The following UNC45A variants were observed in gnomAD, a reference collection of about 807,000 sequenced individuals.
UNC45A encodes the protein unc-45 myosin chaperone A, also known as protein unc-45 homolog A.
A neutral mutation model predicts 103.2 loss-of-function variants in UNC45A; 78 were observed. The ratio of observed to expected loss-of-function variants is 0.76; its 90% CI spans 0.63 to 0.91. UNC45A has a LOEUF of 0.91. Ranked by LOEUF, UNC45A falls within the 40% of genes least tolerant of loss-of-function variation. UNC45A has a pLI of 0.00. For missense variants in UNC45A, 1,193 were observed against 1,224.8 expected, an observed-to-expected ratio of 0.97 and a Z score of 0.39; for synonymous variants, 495 against 504.6, an observed-to-expected ratio of 0.98 and a Z score of 0.25.
At chr15:90,931,793 T>G (rs981666865), upstream of UNC45A, 3 of 1,614,148 alleles carry the variant, frequency 1.9e-6, no homozygotes, top group Admixed American at 1.7e-5. Flanking sequence ...GTGGGGCGCT[T>G]GCTCCACCTG....
intron 5 of UNC45A, among the ~76,000 whole-genome samples, 156 bp downstream of exon 5, chr15:90,939,979 G>A (rs1262117172): frequency 4.6e-5 from 7 of 152,194 alleles, no homozygotes; most frequent in South Asian, 2.1e-4. Context: ...GGGCTTTAGC[G>A]TGAACCAAGG....
At position 90,942,605 on chromosome 15, in the gene UNC45A, G is replaced by A; in HGVS notation, c.856G>A (p.Asp286Asn). The A allele has an allele frequency of 6.2e-7, 1 of 1,614,204 alleles. No individual in the cohort carries two copies. Among genetic ancestry groups the A allele is most frequent in the South Asian group, 1.1e-5 (1 of 91,072 alleles). ...AGGCAAAGAAGGTGCCATCATTGTGGGTGAGTGGAAGCAGGTCTGGGGTCT... is the reference window on the plus strand; with the variant it reads ...AGGCAAAGAAGGTGCCATCATTGTGAGTGAGTGGAAGCAGGTCTGGGGTCT... ...FRGKEGAIIV[D>N]PARELKVLIS... Residue 286 changes from aspartate to asparagine, a missense_variant and splice_region_variant, in exon 7 of 20, where the codon GAT becomes AAT. Coordinates refer to ENST00000418476, the MANE Select transcript of UNC45A (RefSeq NM_018671.5).
intron 9 of UNC45A, among the ~76,000 whole-genome samples, chr15:90,946,281 AAAATT>A (rs2036565605): frequency 6.6e-6 from 1 of 151,852 alleles, no homozygotes; most frequent in Non-Finnish European, 1.5e-5. Context: ...AGAAAGAAAA[AAAATT>A]AAAGGAGCTT....
chr15:90,935,898 C>T, intron 2 of UNC45A, 48 bp from the exon 3 acceptor site: 3 of 1,613,016 alleles, frequency 1.9e-6, no homozygotes, highest in Non-Finnish European at 1.7e-6. Flanking sequence ...GGTTAGTGCC[C>T]CGAGAGGGAG....
Position 90,935,313 on chromosome 15 carries a change from A to G in UNC45A, c.-12A>G, listed in dbSNP as rs756931207. ...GACTGCGCCTGCGCGGGCACGAGACAACCTCTCCGCGATGACTGTGAGTGG... is the reference window on the plus strand; with the variant it reads ...GACTGCGCCTGCGCGGGCACGAGACGACCTCTCCGCGATGACTGTGAGTGG... On this transcript the variant is annotated 5_prime_UTR_variant, in exon 1 of 20. Coordinates refer to ENST00000418476, the MANE Select transcript of UNC45A (RefSeq NM_018671.5). 34 of 1,600,492 alleles carry G rather than the reference A, an allele frequency of 2.1e-5. No individual in the cohort carries two copies. The African/African-American group carries it at 3.2e-4, about 15-fold the overall frequency.
At chr15:90,947,969 C>A in intron 11 of UNC45A, 79 bp downstream of exon 11, 2 of 1,419,818 alleles carry the variant, frequency 1.4e-6, no homozygotes, top group Non-Finnish European at 9.4e-7. Context: ...GGGGTTGGGG[C>A]CTCCTCCGTC....
At chr15:90,949,537 G>A in intron 14 of UNC45A, 94 bp downstream of exon 14, 1 of 1,598,540 alleles carries the variant, frequency 6.3e-7, no homozygotes, top group South Asian at 1.1e-5. Flanking sequence ...AGTGCTGTGG[G>A]CCTCTTAGAG....
At chr15:90,940,284 T>G in intron 5 of UNC45A, 22 bp from the exon 6 acceptor site, 1 of 1,605,818 alleles carries the variant, frequency 6.2e-7, no homozygotes, top group Non-Finnish European at 8.5e-7. Context: ...GTCAACATTA[T>G]AATGTGCTTC....
chr15:90,931,407 T>C, upstream of UNC45A: 2 of 1,588,236 alleles, frequency 1.3e-6, no homozygotes, highest in Non-Finnish European at 1.7e-6. Flanking sequence ...CTGACCATCC[T>C]GCATAAGAGT....
intron 12 of UNC45A, 109 bp from the exon 13 acceptor site, chr15:90,948,545 C>T (rs1448416644): frequency 1.4e-5 from 21 of 1,515,544 alleles, no homozygotes; most frequent in African/African-American, 2.8e-5. Context: ...TCATCCTGTA[C>T]CCAAGGGTCC....
intron 8 of UNC45A, among the ~76,000 whole-genome samples, chr15:90,944,195 G>A (rs2036444268): frequency 6.7e-6 from 1 of 149,840 alleles, no homozygotes; most frequent in South Asian, 2.3e-4. Flanking sequence ...GACCAGCCTG[G>A]CCGACATGGT....
intron 9 of UNC45A, 87 bp from the exon 10 acceptor site, chr15:90,946,527 G>A (rs2036576440): frequency 4.2e-6 from 6 of 1,425,666 alleles, no homozygotes; most frequent in Non-Finnish European, 5.6e-6. Context: ...AAGTAGTGCA[G>A]GTGCCTGGCC....
chr15:90,944,977 C>T lies in UNC45A; in HGVS notation c.1113C>T (p.Ala371=). The change falls in exon 9 of 20, where the codon GCC becomes GCT. Residue 371 remains alanine (A), a synonymous_variant. Coordinates refer to ENST00000418476, the MANE Select transcript of UNC45A (RefSeq NM_018671.5). ...TGACCGCAAACAGCCGCATGAGCGC[C>T]TCTATTCTCCTCAGCAAGCTCTTTG... ...LAVTANSRMS[A]SILLSKLFDD... is the part of the protein sequence containing the mutation. 1.2e-6 allele frequency: 2 copies of T among 1,612,940 alleles called. No individual in the cohort carries two copies. Among genetic ancestry groups the T allele is most frequent in the Non-Finnish European group, 1.7e-6 (2 of 1,180,032 alleles).
intron 8 of UNC45A, among the ~76,000 whole-genome samples, chr15:90,944,520 C>G (rs550808856): frequency 4.7e-4 from 72 of 152,194 alleles, no homozygotes; most frequent in African/African-American, 1.5e-3. Flanking sequence ...CACAGTGGTC[C>G]CACGAGGTGT....
In UNC45A at chr15:90,944,773, T is replaced by C. The variant is rs180891788; in HGVS notation, c.1028-119T>C. 1.3e-5 allele frequency: 16 copies of C among 1,232,454 alleles called. No homozygotes were observed. In the Admixed American group the frequency reaches 1.6e-4, roughly 13 times the overall value. 76.3% of individuals were successfully genotyped at this position (1,232,454 alleles called of 1,614,324 possible). On this transcript the variant is annotated intron_variant, in intron 8 of 19. Coordinates refer to ENST00000418476, the MANE Select transcript of UNC45A (RefSeq NM_018671.5). ...ATTCTCCGGGCTGCCCTGGACACAG[T>C]TGTCAGAACTCTGTAGCCTTCTTGT...
At chr15:90,932,501 A>G, upstream of UNC45A, 2 of 1,300,618 alleles carry the variant, frequency 1.5e-6, no homozygotes, top group Non-Finnish European at 9.8e-7. Context: ...CGAGCCGCGA[A>G]GTCGGCAGCC....
intron 5 of UNC45A, 41 bp from the exon 6 acceptor site, chr15:90,940,265 G>A (rs775861029): frequency 3.5e-5 from 56 of 1,586,188 alleles, no homozygotes; most frequent in African/African-American, 1.1e-4. Context: ...ATCCTATGCC[G>A]TGTGCAGTGT....
rs377438506 is a variant in UNC45A, at chr15:90,949,306, C to T, written c.1879-10C>T. ...CCTAGGCCCCTCTCCTAAGCTGCCTCCTCCCCCAGGACAAGCCAAGCTTCG... is the reference window on the plus strand; with the variant it reads ...CCTAGGCCCCTCTCCTAAGCTGCCTTCTCCCCCAGGACAAGCCAAGCTTCG... On this transcript the variant is annotated splice_polypyrimidine_tract_variant and intron_variant, in intron 13 of 19. Transcript: ENST00000418476. 6.2e-6 allele frequency: 10 copies of T among 1,609,954 alleles called. No homozygotes were observed. The African/African-American group carries it at 9.3e-5, about 15-fold the overall frequency.
chr15:90,945,522 C>T (rs1181625213), intron 9 of UNC45A, among the ~76,000 whole-genome samples: 5 of 152,070 alleles, frequency 3.3e-5, no homozygotes, highest in Admixed American at 6.6e-5. Context: ...CCACCACACC[C>T]AGCTAATTTT....
Sources: gnomAD v4.1 joint callset for allele counts (sites outside exome capture counted in the v4.1 genomes callset) on GRCh38, gnomAD v4.1.1 for gene constraint, MANE v1.5 for transcripts, NCBI Gene and HGNC (gene_info 2026-07-23, HGNC 2026-07-21) for gene names.